The following AFG2A variants were observed in gnomAD, a reference collection of about 807,000 sequenced individuals.
AFG2A encodes the protein AAA ATPase AFG2A.
the AFG2A span, among the ~76,000 whole-genome samples, chr4:122,956,780 T>C: frequency 6.6e-6 from 1 of 152,172 alleles, no homozygotes; most frequent in Non-Finnish European, 1.5e-5. Context: ...AGGGAAAATA[T>C]GTTTGGTTTT....
the AFG2A span, chr4:122,929,345 A>G: frequency 6.7e-6 from 6 of 896,576 alleles, no homozygotes; most frequent in Non-Finnish European, 9.3e-6. Flanking sequence ...TTACAATAGT[A>G]TGTTTTATTT....
At chr4:123,015,186 C>CTT in the AFG2A span, among the ~76,000 whole-genome samples, 113 of 132,762 alleles carry the variant, frequency 8.5e-4, 1 homozygote, top group Middle Eastern at 3.9e-3. Flanking sequence ...ATTTTTCTTT[C>CTT]TTTTTTTTTT....
the AFG2A span, among the ~76,000 whole-genome samples, chr4:123,238,687 A>C: frequency 6.6e-6 from 1 of 152,194 alleles, no homozygotes; most frequent in Admixed American, 6.5e-5. Context: ...TAGGTCACCA[A>C]CATCAAAGAC....
the AFG2A span, among the ~76,000 whole-genome samples, chr4:123,306,840 C>T: frequency 2.0e-5 from 3 of 152,124 alleles, no homozygotes; most frequent in Admixed American, 6.5e-5. Flanking sequence ...CTGGCCAAAA[C>T]GTTTTTGTTT....
At chr4:123,064,401 A>C in the AFG2A span, among the ~76,000 whole-genome samples, 1 of 152,212 alleles carries the variant, frequency 6.6e-6, no homozygotes, top group East Asian at 1.9e-4. Context: ...AACTACTTAC[A>C]TTGCTTTACA....
chr4:123,239,226 G>A, the AFG2A span, among the ~76,000 whole-genome samples: 4 of 152,254 alleles, frequency 2.6e-5, no homozygotes, highest in East Asian at 1.9e-4. Flanking sequence ...TGAAAGTCAC[G>A]GGGAGAATGG....
At chr4:123,278,652 A>T in the AFG2A span, among the ~76,000 whole-genome samples, 1 of 152,120 alleles carries the variant, frequency 6.6e-6, no homozygotes, top group Admixed American at 6.6e-5. Flanking sequence ...GGTATGTTGT[A>T]TCTTTGTTCT....
the AFG2A span, among the ~76,000 whole-genome samples, chr4:123,261,827 T>G: frequency 1.3e-5 from 2 of 152,304 alleles, no homozygotes; most frequent in East Asian, 3.9e-4. Flanking sequence ...TTGCCCAGGC[T>G]GGAGTGCAGT....
chr4:122,953,695 G>A, the AFG2A span, among the ~76,000 whole-genome samples: 4 of 152,298 alleles, frequency 2.6e-5, no homozygotes, highest in South Asian at 8.3e-4. Context: ...CTGTTTATCT[G>A]TTTTCATAGT....
chr4:123,064,362 C>T, the AFG2A span, among the ~76,000 whole-genome samples: 1 of 152,146 alleles, frequency 6.6e-6, no homozygotes, highest in South Asian at 2.1e-4. Flanking sequence ...TATTAGATAA[C>T]ATTCCTTTAG....
the AFG2A span, among the ~76,000 whole-genome samples, chr4:122,929,818 C>T: frequency 6.6e-6 from 1 of 152,096 alleles, no homozygotes; most frequent in Admixed American, 6.5e-5. Context: ...CCATTTTAAA[C>T]ATTTGATAGC....
the AFG2A span, among the ~76,000 whole-genome samples, chr4:123,018,024 A>G: frequency 0.041 from 6,192 of 151,140 alleles, 407 homozygotes; most frequent in African/African-American, 0.14. Flanking sequence ...CCATAAAAGT[A>G]TTTTTTTTTC....
At chr4:123,239,048 T>C in the AFG2A span, among the ~76,000 whole-genome samples, 1 of 152,022 alleles carries the variant, frequency 6.6e-6, no homozygotes, top group African/African-American at 2.4e-5. Context: ...ATGCACAAAC[T>C]TCAGTAGCCA....
the AFG2A span, among the ~76,000 whole-genome samples, chr4:123,231,823 C>T: frequency 1.3e-4 from 19 of 151,706 alleles, no homozygotes; most frequent in Admixed American, 5.3e-4. Context: ...CATAGGAAGG[C>T]CCAAGGAGAG....
the AFG2A span, among the ~76,000 whole-genome samples, chr4:123,202,043 A>T: frequency 1.3e-5 from 2 of 152,242 alleles, no homozygotes; most frequent in Non-Finnish European, 2.9e-5. Flanking sequence ...AATGCCTTTT[A>T]TGGAAAGAAG....
the AFG2A span, among the ~76,000 whole-genome samples, chr4:123,110,815 A>G: frequency 2.0e-5 from 3 of 152,218 alleles, no homozygotes; most frequent in African/African-American, 4.8e-5. Context: ...ATAGCTTGCC[A>G]TGATTCAGGA....
chr4:123,037,047 G>T, the AFG2A span, among the ~76,000 whole-genome samples: 1 of 151,914 alleles, frequency 6.6e-6, no homozygotes, highest in Non-Finnish European at 1.5e-5. Context: ...TTAACACTTA[G>T]GTTAACGTGC....
At chr4:123,111,113 C>A in the AFG2A span, among the ~76,000 whole-genome samples, 236 of 152,242 alleles carry the variant, frequency 1.6e-3, no homozygotes, top group African/African-American at 5.1e-3. Flanking sequence ...AAATGCCTAC[C>A]TGTTTTCATT....
chr4:123,145,777 G>T, the AFG2A span, among the ~76,000 whole-genome samples: 2 of 151,938 alleles, frequency 1.3e-5, no homozygotes, highest in African/African-American at 2.4e-5. Context: ...TTGGTATATT[G>T]GTTAAAGAAT....
Sources: allele counts gnomAD v4.1 joint callset (sites outside exome capture counted in the v4.1 genomes callset), GRCh38; gene constraint gnomAD v4.1.1; transcripts MANE v1.5; gene names NCBI Gene and HGNC (gene_info 2026-07-23, HGNC 2026-07-21).